PRKCA: variants seen among roughly 807,000 people sequenced by gnomAD.
The protein encoded by PRKCA is protein kinase C alpha.
In PRKCA, 27 loss-of-function variants were observed where a neutral mutation model predicts 87.0. The ratio of observed to expected loss-of-function variants is 0.31; its 90% CI spans 0.23 to 0.43. The LOEUF is 0.43. PRKCA is among the 20% of genes least tolerant of loss of function. The pLI is 1.00. For missense variants in PRKCA, 518 were observed against 852.3 expected (o/e 0.61, Z 4.88); for synonymous variants, 329 against 311.1 (o/e 1.06, Z -0.61).
intron 14 of PRKCA, 139 bp downstream of exon 14, chr17:66,774,206 G>A: frequency 6.5e-7 from 1 of 1,531,078 alleles, no homozygotes; most frequent in Admixed American, 2.0e-5. Context: ...GGCGAAAGAG[G>A]GAGAAACGCC....
chr17:66,386,991 T>C (rs908665201), intron 2 of PRKCA, among the ~76,000 whole-genome samples: 3 of 152,212 alleles, frequency 2.0e-5, no homozygotes, highest in Admixed American at 6.5e-5. Flanking sequence ...TTCAGACTTG[T>C]GTTTGAGTTT....
chr17:66,355,187 A>G (rs1907978604), intron 2 of PRKCA, among the ~76,000 whole-genome samples: 1 of 152,142 alleles, frequency 6.6e-6, no homozygotes, highest in Admixed American at 6.5e-5. Context: ...TTCAGTTTAT[A>G]TATGCAGAAA....
intron 12 of PRKCA, 27 bp from the exon 13 acceptor site, chr17:66,742,595 C>T: frequency 6.2e-7 from 1 of 1,611,448 alleles, no homozygotes; most frequent in Non-Finnish European, 8.5e-7. Flanking sequence ...ATGGGAAGGA[C>T]TCTGATGTTA....
chr17:66,341,462 C>T (rs1907040995), intron 2 of PRKCA, among the ~76,000 whole-genome samples: 1 of 152,170 alleles, frequency 6.6e-6, no homozygotes, highest in Non-Finnish European at 1.5e-5. Flanking sequence ...GCGTGTTGTT[C>T]TGAAATCTGG....
chr17:66,585,856 A>G (rs557886476), intron 3 of PRKCA, among the ~76,000 whole-genome samples: 24 of 152,236 alleles, frequency 1.6e-4, no homozygotes, highest in Non-Finnish European at 2.5e-4. Flanking sequence ...ATGGGAAAGT[A>G]GCTGACAGGG....
chr17:66,505,244 C>T (rs1357973276), intron 3 of PRKCA, among the ~76,000 whole-genome samples: 1 of 152,164 alleles, frequency 6.6e-6, no homozygotes, highest in African/African-American at 2.4e-5. Context: ...GACTTCTATC[C>T]TCATCCGTAG....
At chr17:66,688,918 C>G in intron 7 of PRKCA, 33 bp from the exon 8 acceptor site, 1 of 1,381,900 alleles carries the variant, frequency 7.2e-7, no homozygotes, top group South Asian at 1.2e-5. Context: ...GTTAAACTTG[C>G]GGTGGTAACT....
At chr17:66,415,763 C>G (rs1201819082) in intron 2 of PRKCA, 1 of 40,350 alleles carries the variant, frequency 2.5e-5, no homozygotes, top group Non-Finnish European at 8.6e-5. Flanking sequence ...GCCTGGTTGC[C>G]TTTTTTGCGT....
At chr17:66,344,909 G>A (rs1394655153) in intron 2 of PRKCA, among the ~76,000 whole-genome samples, 1 of 152,170 alleles carries the variant, frequency 6.6e-6, no homozygotes, top group Non-Finnish European at 1.5e-5. Context: ...GGGAATGCAG[G>A]CACGTGCCGC....
At chr17:66,653,153 TG>T (rs2143855131) in intron 5 of PRKCA, among the ~76,000 whole-genome samples, 1 of 152,364 alleles carries the variant, frequency 6.6e-6, no homozygotes, top group East Asian at 1.9e-4. Flanking sequence ...CTTACATGGA[TG>T]GGCAGGGGCT....
At chr17:66,766,368 GA>G (rs555063337) in intron 13 of PRKCA, among the ~76,000 whole-genome samples, 103 of 106,742 alleles carry the variant, frequency 9.6e-4, no homozygotes, top group Non-Finnish European at 1.7e-3. Context: ...CTTGCCTGTT[GA>G]TGGCTTTCCA....
At chr17:66,349,181 C>G (rs1242224235) in intron 2 of PRKCA, among the ~76,000 whole-genome samples, 3 of 152,158 alleles carry the variant, frequency 2.0e-5, no homozygotes, top group Admixed American at 6.5e-5. Flanking sequence ...GGACAGTCAT[C>G]TAATAAAATA....
chr17:66,348,939 A>G (rs939334728), intron 2 of PRKCA, among the ~76,000 whole-genome samples: 20 of 152,224 alleles, frequency 1.3e-4, no homozygotes, highest in African/African-American at 2.7e-4. Flanking sequence ...TTAGTATAGC[A>G]TTTAACTGAG....
chr17:66,593,708 T>G (rs1264928544), intron 3 of PRKCA, among the ~76,000 whole-genome samples: 1 of 152,246 alleles, frequency 6.6e-6, no homozygotes, highest in East Asian at 1.9e-4. Context: ...CTTCTAGAAC[T>G]GTTCCAATGT....
intron 8 of PRKCA, among the ~76,000 whole-genome samples, chr17:66,729,730 A>C (rs1195376114): frequency 6.6e-6 from 1 of 151,518 alleles, no homozygotes; most frequent in African/African-American, 2.4e-5. Flanking sequence ...TCAACTCATC[A>C]GAGCATGTTC....
At chr17:66,665,150 T>C (rs1972010813) in intron 5 of PRKCA, among the ~76,000 whole-genome samples, 1 of 152,194 alleles carries the variant, frequency 6.6e-6, no homozygotes, top group South Asian at 2.1e-4. Flanking sequence ...TTAAGAGTTA[T>C]TAAGTGCTTA....
intron 14 of PRKCA, among the ~76,000 whole-genome samples, chr17:66,781,953 G>T (rs146251382): frequency 6.6e-6 from 1 of 150,702 alleles, no homozygotes; most frequent in African/African-American, 2.4e-5. Context: ...TTGCTCTGTT[G>T]CCCAGGCTGG....
At chr17:66,744,907 C>G (rs574473466) in intron 13 of PRKCA, among the ~76,000 whole-genome samples, 69 of 152,226 alleles carry the variant, frequency 4.5e-4, no homozygotes, top group African/African-American at 1.6e-3. Flanking sequence ...GTGTCTTCTT[C>G]CCTCCCCCAT....
rs114319775 is a variant in PRKCA, at chr17:66,636,288, T to C, written c.289-5067T>C. Among the ~76,000 whole-genome samples, 705 of 152,334 alleles carry C rather than the reference T, an allele frequency of 4.6e-3. 2 individuals carry two copies. The highest frequency in any genetic ancestry group is 0.015 in the African/African-American group (636 of 41,562). Reference sequence around the variant, plus strand: ...GTTTCTTTTGTCAGACTAGGTGAGATTAATTAGACTGGAAAAGAGTTTCCA... The same window carrying C: ...GTTTCTTTTGTCAGACTAGGTGAGACTAATTAGACTGGAAAAGAGTTTCCA... On this transcript the variant is annotated intron_variant, in intron 3 of 16. Transcript: ENST00000413366.
Sources: gnomAD v4.1 joint callset for allele counts (sites outside exome capture counted in the v4.1 genomes callset) on GRCh38, gnomAD v4.1.1 for gene constraint, MANE v1.5 for transcripts, NCBI Gene and HGNC (gene_info 2026-07-23, HGNC 2026-07-21) for gene names.